The following RIMBP2 variants were observed in gnomAD, a reference collection of about 807,000 sequenced individuals.
RIMBP2 encodes RIMS binding protein 2.
RIMBP2 carries 48 observed loss-of-function variants against 118.6 expected under a neutral mutation model. That is an observed-to-expected ratio of 0.40 (90% CI 0.32 to 0.51). RIMBP2 has a LOEUF of 0.51. Ranked by LOEUF, RIMBP2 falls within the 20% of genes least tolerant of loss-of-function variation. The pLI, the probability that RIMBP2 is intolerant of heterozygous loss-of-function variation, is 0.41. For missense variants in RIMBP2, 1,551 were observed against 1,768.3 expected, an observed-to-expected ratio of 0.88 and a Z score of 2.20; for synonymous variants, 762 against 742.9, an observed-to-expected ratio of 1.03 and a Z score of -0.42.
chr12:130,462,129 C>G (rs1338766475), intron 6 of RIMBP2, among the ~76,000 whole-genome samples: 1 of 152,188 alleles, frequency 6.6e-6, no homozygotes, highest in African/African-American at 2.4e-5. Flanking sequence ...TGTGGGGGGT[C>G]AGGTTGGATC....
chr12:130,569,860 T>C (rs2057498337), intron 2 of RIMBP2, among the ~76,000 whole-genome samples: 1 of 152,220 alleles, frequency 6.6e-6, no homozygotes, highest in Non-Finnish European at 1.5e-5. Flanking sequence ...TTCTTTACAG[T>C]AATACGTATA....
chr12:130,590,564 G>A lies in RIMBP2; in HGVS notation c.-217+37758C>T, dbSNP rs138281730. ...ACACTTTTCAGCTGGTAAAAAAGTTGAGGATCTTGCACTAAAGAAGGATGA... is the reference window on the plus strand; with the variant it reads ...ACACTTTTCAGCTGGTAAAAAAGTTAAGGATCTTGCACTAAAGAAGGATGA... On this transcript the variant is annotated intron_variant, in intron 2 of 22. Coordinates refer to ENST00000690449, the MANE Select transcript of RIMBP2 (RefSeq NM_001393629.1). 2.0e-3 allele frequency among the ~76,000 whole-genome samples: 303 copies of A among 152,292 alleles called. 1 individual carries two copies. The highest frequency in any genetic ancestry group is 3.8e-3 in the Non-Finnish European group (257 of 68,016).
rs971631987 is a variant in RIMBP2 at position 130,446,625 on chromosome 12, C to T, written c.582-1356G>A. 1.6e-4 allele frequency among the ~76,000 whole-genome samples: 25 copies of T among 152,130 alleles called. No homozygotes were observed. The highest frequency in any genetic ancestry group is 1.4e-3 in the Admixed American group (22 of 15,276). On this transcript the variant is annotated intron_variant, in intron 9 of 22. Transcript: ENST00000690449. This position sits in a 1 kb window ranked among gnomAD's most constrained non-coding sequence, Gnocchi z 4.1. ...ATGGGCCACCCTCTAACACAAAGCT[C>T]GGCAGTGGAACGGGACAAGAGCTCT...
At chr12:130,674,433 A>C (rs1466176228) in intron 1 of RIMBP2, among the ~76,000 whole-genome samples, 1 of 152,162 alleles carries the variant, frequency 6.6e-6, no homozygotes, top group Admixed American at 6.6e-5. Flanking sequence ...GTAGTTGTGC[A>C]GAGCAGGGCT....
chr12:130,521,926 C>T (rs557796490), intron 2 of RIMBP2, among the ~76,000 whole-genome samples: 24 of 152,272 alleles, frequency 1.6e-4, no homozygotes, highest in Middle Eastern at 3.4e-3. Flanking sequence ...TTAGGGTTTC[C>T]CAGCCAGTGG....
chr12:130,510,488 A>G (rs2138903816), intron 3 of RIMBP2, among the ~76,000 whole-genome samples: 1 of 152,062 alleles, frequency 6.6e-6, no homozygotes, highest in East Asian at 1.9e-4. Context: ...TTTTTTTTTG[A>G]GATGGAGTCT....
chr12:130,700,155 G>A (rs1258308158), intron 1 of RIMBP2, among the ~76,000 whole-genome samples: 1 of 152,056 alleles, frequency 6.6e-6, no homozygotes, highest in Non-Finnish European at 1.5e-5. Flanking sequence ...ACATTTGATG[G>A]TCTTCCAGTT....
At chr12:130,426,195 G>C (rs748159421) in intron 15 of RIMBP2, 1 of 152,348 alleles carries the variant, frequency 6.6e-6, no homozygotes, top group Middle Eastern at 3.4e-3. Context: ...ACGTGAGAAC[G>C]TGTGCGCTGA....
intron 2 of RIMBP2, among the ~76,000 whole-genome samples, chr12:130,554,903 G>A (rs1459701936): frequency 6.6e-6 from 1 of 152,048 alleles, no homozygotes; most frequent in Non-Finnish European, 1.5e-5. Flanking sequence ...TTTATGGAGA[G>A]AAAAGAGAGA....
intron 2 of RIMBP2, among the ~76,000 whole-genome samples, chr12:130,539,295 T>A (rs1324479428): frequency 6.6e-6 from 1 of 152,202 alleles, no homozygotes; most frequent in Non-Finnish European, 1.5e-5. Context: ...TTATATAATA[T>A]ATATAACATG....
intron 1 of RIMBP2, among the ~76,000 whole-genome samples, chr12:130,704,836 G>A (rs1166606023): frequency 6.6e-6 from 1 of 152,142 alleles, no homozygotes; most frequent in Non-Finnish European, 1.5e-5. Context: ...TCCTGGCATC[G>A]CTGCTCTCTA....
chr12:130,544,596 CT>C (rs35041449), intron 2 of RIMBP2, among the ~76,000 whole-genome samples: 14,141 of 99,820 alleles, frequency 0.14, 364 homozygotes, highest in Middle Eastern at 0.18. Context: ...AACTGGAGGC[CT>C]TTTTTTTTTT....
At chr12:130,443,537 C>G (rs1400961447) in intron 10 of RIMBP2, among the ~76,000 whole-genome samples, 1 of 152,110 alleles carries the variant, frequency 6.6e-6, no homozygotes, top group Non-Finnish European at 1.5e-5. Flanking sequence ...GATTCTGCGC[C>G]CAGAAGACCC....
intron 1 of RIMBP2, among the ~76,000 whole-genome samples, chr12:130,681,423 T>C (rs1230970815): frequency 1.3e-5 from 2 of 152,234 alleles, no homozygotes; most frequent in Admixed American, 6.5e-5. Flanking sequence ...CACCTGTTTT[T>C]AGTTCCAGAA....
At chr12:130,640,277 C>T (rs1016388172) in intron 1 of RIMBP2, among the ~76,000 whole-genome samples, 7 of 152,158 alleles carry the variant, frequency 4.6e-5, no homozygotes, top group South Asian at 2.1e-4. Context: ...ACACACTTAC[C>T]GCTCAAGAGC....
At chr12:130,498,325 C>T (rs563879165) in intron 4 of RIMBP2, among the ~76,000 whole-genome samples, 2 of 152,366 alleles carry the variant, frequency 1.3e-5, no homozygotes, top group East Asian at 3.9e-4. Context: ...TTCATGCGTG[C>T]ACTTGCTCCG....
intron 4 of RIMBP2, among the ~76,000 whole-genome samples, chr12:130,498,706 A>T (rs1213334134): frequency 6.6e-6 from 1 of 152,016 alleles, no homozygotes; most frequent in Non-Finnish European, 1.5e-5. Flanking sequence ...GAGGAGAGAA[A>T]TGTCTGGCCT....
chr12:130,630,454 C>T (rs1029733290), intron 1 of RIMBP2, among the ~76,000 whole-genome samples: 6 of 152,074 alleles, frequency 3.9e-5, no homozygotes, highest in Admixed American at 3.3e-4. Context: ...TTCATGTTGA[C>T]ATAAACAACC....
rs905585661 is a variant in RIMBP2, at chr12:130,525,355, A to G, written c.-216-7438T>C. Among the ~76,000 whole-genome samples the G allele has an allele frequency of 1.3e-5, 2 of 152,212 alleles. No homozygotes were observed. Among genetic ancestry groups the G allele is most frequent in the African/African-American group, 2.4e-5 (1 of 41,458 alleles). On this transcript the variant is annotated intron_variant, in intron 2 of 22. Coordinates refer to ENST00000690449, the MANE Select transcript of RIMBP2 (RefSeq NM_001393629.1). This position sits in a 1 kb window ranked among gnomAD's most constrained non-coding sequence, Gnocchi z 4.4. ...ATGGGATAAGCAGAGGGCAGCATCAATGGGTGGGAGATAAAGAGGAAGAGG... is the reference window on the plus strand; with the variant it reads ...ATGGGATAAGCAGAGGGCAGCATCAGTGGGTGGGAGATAAAGAGGAAGAGG...
Sources: gnomAD v4.1 joint callset for allele counts (sites outside exome capture counted in the v4.1 genomes callset) on GRCh38, gnomAD v4.1.1 for gene constraint, Gnocchi (gnomAD v3.1) non-coding constraint, MANE v1.5 for transcripts, NCBI Gene and HGNC (gene_info 2026-07-23, HGNC 2026-07-21) for gene names.